Variants in CEP68 observed in about 807,000 individuals in gnomAD.
CEP68 encodes centrosomal protein of 68 kDa.
In CEP68, 26 loss-of-function variants were observed where a neutral mutation model predicts 55.3. The observed-to-expected ratio is 0.47, with a 90% CI of 0.34 to 0.65. CEP68 has a LOEUF of 0.65. Among genes scored for constraint, CEP68 ranks in the 30% least tolerant of loss-of-function variants. The pLI is 0.01. For missense variants in CEP68, 957 were observed against 946.7 expected (o/e 1.01, Z -0.14); for synonymous variants, 402 against 383.2 (o/e 1.05, Z -0.57).
chr2:65,063,336 A>G (rs1676001413), intron 1 of CEP68, among the ~76,000 whole-genome samples: 2 of 152,180 alleles, frequency 1.3e-5, no homozygotes, highest in Admixed American at 1.3e-4. Context: ...GGTTGAGTTC[A>G]CTGTCTGTGC....
intron 4 of CEP68, among the ~76,000 whole-genome samples, chr2:65,075,735 G>A (rs558864454): frequency 6.6e-6 from 1 of 152,308 alleles, no homozygotes; most frequent in East Asian, 1.9e-4. Flanking sequence ...TCATGAAGAA[G>A]CAGAGGGATA....
intron 1 of CEP68, among the ~76,000 whole-genome samples, chr2:65,066,745 A>AAAAAATATAT (rs70943620): frequency 5.8e-4 from 34 of 58,396 alleles, no homozygotes; most frequent in African/African-American, 2.7e-3. Flanking sequence ...AAAAAAAAAA[A>AAAAAATATAT]ATATATATAT....
chr2:65,059,430 T>G (rs1675807107), intron 1 of CEP68, among the ~76,000 whole-genome samples: 1 of 152,188 alleles, frequency 6.6e-6, no homozygotes, highest in Non-Finnish European at 1.5e-5. Context: ...ACAGGAGAAA[T>G]TCAGGTCTGT....
intron 5 of CEP68, chr2:65,080,426 G>T (rs1314970552): frequency 1.0e-6 from 1 of 985,232 alleles, no homozygotes; most frequent in Admixed American, 6.2e-5. Context: ...GGAGCATGCT[G>T]TCAAAAGTCC....
At chr2:65,076,640 TAAC>T (rs33960739) in intron 4 of CEP68, among the ~76,000 whole-genome samples, 96,166 of 151,634 alleles carry the variant, frequency 0.63, 30,722 homozygotes, top group East Asian at 0.66. Flanking sequence ...TATTTTGTCT[TAAC>T]ACGGGGTTGC....
intron 1 of CEP68, among the ~76,000 whole-genome samples, chr2:65,060,875 A>T (rs1675879878): frequency 6.6e-6 from 1 of 152,068 alleles, no homozygotes; most frequent in African/African-American, 2.4e-5. Context: ...TGTGACTTAC[A>T]TCTCTTTAAA....
chr2:65,069,730 G>A lies in CEP68; in HGVS notation c.286G>A (p.Glu96Lys). The change falls in exon 2 of 7, where the codon GAG (glutamate) becomes AAG (lysine). Residue 96 changes from glutamate to lysine, a missense_variant. Glu to Lys is a moderately conservative substitution (Grantham distance 56, BLOSUM62 1). Transcript: ENST00000377990. The part of the protein sequence containing the change: ...ANREPVAERS[E>K]PALSGLPPAT... ...CAGAGAGCCCGTAGCTGAGAGGTCT[G>A]AGCCTGCACTCAGTGGCCTGCCTCC... 6.2e-7 allele frequency: 1 copy of A among 1,614,104 alleles called. No homozygotes were observed.
chr2:65,070,335 A>C (rs1676401572), intron 2 of CEP68, among the ~76,000 whole-genome samples: 1 of 152,194 alleles, frequency 6.6e-6, no homozygotes, highest in Non-Finnish European at 1.5e-5. Flanking sequence ...AGTGGGAGTC[A>C]CATGGGGCAG....
Position 65,071,892 on chromosome 2 carries a change from C to T in CEP68, c.796C>T (p.Arg266Cys), listed in dbSNP as rs139565372. Residue 266 changes from arginine to cysteine, a missense_variant, in exon 3 of 7, where the codon CGC becomes TGC. By Grantham distance (180) the Arg-to-Cys change is radical. Transcript: ENST00000377990. Reference sequence around the variant, plus strand: ...TGATGCTTCTGGGCTAGGCAGGAGACGCCTCTCCTTCCAGGCTGAGTACTG... The same window carrying T: ...TGATGCTTCTGGGCTAGGCAGGAGATGCCTCTCCTTCCAGGCTGAGTACTG... ...GGDASGLGRR[R>C]LSFQAEYWAC... is the part of the protein sequence containing the mutation. 1.1e-4 allele frequency: 185 copies of T among 1,612,120 alleles called. No homozygotes were observed. Among genetic ancestry groups the T allele is most frequent in the African/African-American group, 3.9e-4 (29 of 74,984 alleles).
rs1439589839 is a variant in CEP68, at chr2:65,085,053, A to C, written c.*1419A>C. On this transcript the variant is annotated 3_prime_UTR_variant, in exon 7 of 7. Transcript: ENST00000377990. ...GAGATGTCTGACGGCCTCTTCTTAA[A>C]TTGATATATTTTACCTTCTCTTAGA... 6.6e-6 allele frequency: 1 copy of C among 152,206 alleles called. No homozygotes were observed. The highest frequency in any genetic ancestry group is 1.5e-5 in the Non-Finnish European group (1 of 68,040). The allele number at this position is 152,206 out of a possible 1,614,324, so 9.4% of individuals were successfully genotyped here.
At chr2:65,059,695 C>T (rs1056777440) in intron 1 of CEP68, among the ~76,000 whole-genome samples, 1 of 152,154 alleles carries the variant, frequency 6.6e-6, no homozygotes, top group African/African-American at 2.4e-5. Flanking sequence ...TCTCAGGGTG[C>T]TGAAACAGCC....
rs755715734 is a variant in CEP68 at position 65,071,546 on chromosome 2, T to A, written c.450T>A (p.Asp150Glu). 1 of 1,614,204 alleles carries A rather than the reference T, an allele frequency of 6.2e-7. No individual in the cohort carries two copies. The highest frequency in any genetic ancestry group is 8.5e-7 in the Non-Finnish European group (1 of 1,180,022). Residue 150 changes from aspartate to glutamate, a missense_variant, in exon 3 of 7, where the codon GAT becomes GAA. By Grantham distance (45) the Asp-to-Glu change is conservative. Coordinates refer to ENST00000377990, the MANE Select transcript of CEP68 (RefSeq NM_015147.3). Reference sequence around the variant, plus strand: ...CTATTTGCTCAGGACATGATGCTGATACCGAAGATGATCCATCCCTAGCAG... The same window carrying A: ...CTATTTGCTCAGGACATGATGCTGAAACCGAAGATGATCCATCCCTAGCAG... ...TTTICSGHDA[D>E]TEDDPSLADL...
At chr2:65,078,137 G>A (rs1211693408) in intron 5 of CEP68, among the ~76,000 whole-genome samples, 173 bp downstream of exon 5, 1 of 152,094 alleles carries the variant, frequency 6.6e-6, no homozygotes, top group African/African-American at 2.4e-5. Context: ...GCCCATCACT[G>A]CCCCTACACA....
At position 65,086,873 on chromosome 2, in the gene CEP68, T is replaced by C. The variant is rs1183453879; in HGVS notation, c.*3239T>C. Reference sequence around the variant, plus strand: ...CTATAATACAAAGTAAACTATGATTTTTATTGTGAAATTTTCATAGATGGA... The same window carrying C: ...CTATAATACAAAGTAAACTATGATTCTTATTGTGAAATTTTCATAGATGGA... On this transcript the variant is annotated 3_prime_UTR_variant, in exon 7 of 7. Coordinates refer to ENST00000377990, the MANE Select transcript of CEP68 (RefSeq NM_015147.3). 1.3e-5 allele frequency: 2 copies of C among 152,648 alleles called. No individual in the cohort carries two copies. The highest frequency in any genetic ancestry group is 4.8e-5 in the African/African-American group (2 of 41,466). 9.5% of individuals were successfully genotyped at this position (152,648 alleles called of 1,614,324 possible).
intron 1 of CEP68, among the ~76,000 whole-genome samples, chr2:65,066,969 T>C (rs1249867005): frequency 6.6e-6 from 1 of 150,936 alleles, no homozygotes; most frequent in Non-Finnish European, 1.5e-5. Flanking sequence ...GTGATGTTAC[T>C]GAAGGACCTG....
intron 2 of CEP68, 133 bp from the exon 3 acceptor site, chr2:65,071,321 G>C (rs1013442534): frequency 1.7e-5 from 12 of 714,472 alleles, no homozygotes; most frequent in Non-Finnish European, 2.8e-5. Context: ...CTTGCCTCAG[G>C]CAGCAGACTT....
rs1676515621 is a variant in CEP68, at chr2:65,072,285, C to T, written c.1189C>T (p.Leu397Phe). ...CATGGGCTTGGCATCTTGGAGCCAA[C>T]TTGCATCTACCCCCAGAGCCCCAGG... ...GGMGLASWSQ[L>F]ASTPRAPGSR... The change falls in exon 3 of 7, where the codon CTT (leucine) becomes TTT (phenylalanine). Residue 397 changes from leucine (L) to phenylalanine (F), a missense_variant. Coordinates refer to ENST00000377990, the MANE Select transcript of CEP68 (RefSeq NM_015147.3). 6.2e-7 allele frequency: 1 copy of T among 1,613,954 alleles called. No homozygotes were observed. Among genetic ancestry groups the T allele is most frequent in the African/African-American group, 1.3e-5 (1 of 74,902 alleles).
rs754222074 is a variant in CEP68 at position 65,072,559 on chromosome 2, G to A, written c.1463G>A (p.Arg488Gln). Residue 488 changes from arginine to glutamine, a missense_variant, in exon 3 of 7, where the codon CGG becomes CAG. Arg to Gln is a conservative substitution (Grantham distance 43, BLOSUM62 1). Transcript: ENST00000377990. Reference sequence around the variant, plus strand: ...GACGAGTATCTTGCCCTCCCCGCTCGGCTGACACAGGTTTCTAGCCTGGTT... The same window carrying A: ...GACGAGTATCTTGCCCTCCCCGCTCAGCTGACACAGGTTTCTAGCCTGGTT... Reference protein sequence around the residue: ...SDDEYLALPARLTQVSSLVSY... With the variant: ...SDDEYLALPAQLTQVSSLVSY... 15 of 1,613,928 alleles carry A rather than the reference G, an allele frequency of 9.3e-6. No individual in the cohort carries two copies. The East Asian group carries it at 1.6e-4, about 17-fold the overall frequency.
At position 65,072,340 on chromosome 2, in the gene CEP68, A is replaced by C. The variant is rs1439941003; in HGVS notation, c.1244A>C (p.Glu415Ala). 1 of 1,613,914 alleles carries C rather than the reference A, an allele frequency of 6.2e-7. No individual in the cohort carries two copies. The change falls in exon 3 of 7, where the codon GAG becomes GCG. Residue 415 changes from glutamate to alanine, a missense_variant. Transcript: ENST00000377990. ...AGGGATGCTCGTTGGGAGCGCAGAG[A>C]GCCAGCCCTGAGGGGTGCGAAGGAC... Reference protein sequence around the residue: ...GSRDARWERREPALRGAKDRL... With the variant: ...GSRDARWERRAPALRGAKDRL...
Sources: allele counts gnomAD v4.1 joint callset (sites outside exome capture counted in the v4.1 genomes callset), GRCh38; gene constraint gnomAD v4.1.1; transcripts MANE v1.5; gene names NCBI Gene and HGNC (gene_info 2026-07-23, HGNC 2026-07-21).